The following LRRC8A variants were observed in gnomAD, a reference collection of about 807,000 sequenced individuals.
LRRC8A encodes volume-regulated anion channel subunit LRRC8A.
LRRC8A carries 24 observed loss-of-function variants against 52.5 expected under a neutral mutation model. The observed-to-expected ratio is 0.46, with a 90% CI of 0.33 to 0.64. The LOEUF (loss-of-function observed/expected upper bound fraction) is 0.64. Ranked by LOEUF, LRRC8A falls within the 30% of genes least tolerant of loss-of-function variation. The pLI is 0.02. For synonymous variants in LRRC8A, 492 were observed against 494.2 expected, an observed-to-expected ratio of 1.00 and a Z score of 0.06; for missense variants, 677 against 1,094.7, an observed-to-expected ratio of 0.62 and a Z score of 5.38.
At position 128,907,422 on chromosome 9, in the gene LRRC8A, T is replaced by C; in HGVS notation, c.258T>C (p.Ile86=). 6.2e-7 allele frequency: 1 copy of C among 1,613,366 alleles called. No individual in the cohort carries two copies. Among genetic ancestry groups the C allele is most frequent in the Non-Finnish European group, 8.5e-7 (1 of 1,180,002 alleles). Residue 86 remains isoleucine, a synonymous_variant, in exon 3 of 4, where the codon ATT becomes ATC. Coordinates refer to ENST00000372600, the MANE Select transcript of LRRC8A (RefSeq NM_019594.4). The surrounding 1 kb of genome is among the most constrained non-coding windows in gnomAD (Gnocchi z 9.3). ...AGCCCACCTACCCCAACTCCACCAT[T>C]CTGCCGACCCCTGACACGGGCCCCA... ...GPEPTYPNST[I]LPTPDTGPTG...
In LRRC8A at chr9:128,908,049, C is replaced by T. The variant is rs750597346; in HGVS notation, c.885C>T (p.Cys295=). 3 of 1,614,106 alleles carry T rather than the reference C, an allele frequency of 1.9e-6. No homozygotes were observed. The highest frequency in any genetic ancestry group is 2.5e-6 in the Non-Finnish European group (3 of 1,180,028). Residue 295 remains cysteine (C), a synonymous_variant, in exon 3 of 4, where the codon TGC becomes TGT. Transcript: ENST00000372600. ...YVHNIKFDVD[C]TVDIESLTGY... is the part of the protein sequence containing the mutation. The stretch of plus-strand genomic sequence containing the variant: ...ACAACATCAAGTTCGACGTGGACTG[C>T]ACCGTGGACATTGAGAGCCTGACGG...
intron 1 of LRRC8A, among the ~76,000 whole-genome samples, chr9:128,883,728 A>G (rs1588189773): frequency 6.6e-6 from 1 of 152,216 alleles, no homozygotes; most frequent in Non-Finnish European, 1.5e-5. Flanking sequence ...TAATCCCAGC[A>G]CGTTGGGAGG....
chr9:128,917,119 A>T lies in LRRC8A; in HGVS notation c.*748A>T, dbSNP rs911804836. 3.4e-5 allele frequency: 5 copies of T among 145,020 alleles called. No individual in the cohort carries two copies. Among genetic ancestry groups the T allele is most frequent in the East Asian group, 2.0e-4 (1 of 4,974 alleles). 9.0% of individuals were successfully genotyped at this position (145,020 alleles called of 1,614,324 possible). A position where few individuals can be genotyped will look rare whatever the true frequency, so the allele number is the denominator to read the frequency against. ...GGTATTAAAAAGAAAAAAAAAACTT[A>T]AAAAAAAAAAGACACTAACGGCCAG... is the stretch of plus-strand genomic sequence containing the variant. On this transcript the variant is annotated 3_prime_UTR_variant, in exon 4 of 4. Transcript: ENST00000372600.
In LRRC8A at chr9:128,916,078, C is replaced by A; in HGVS notation, c.2158-18C>A. 2 of 1,588,408 alleles carry A rather than the reference C, an allele frequency of 1.3e-6. No individual in the cohort carries two copies. The highest frequency in any genetic ancestry group is 8.6e-7 in the Non-Finnish European group (1 of 1,163,044). On this transcript the variant is annotated intron_variant, in intron 3 of 3. Transcript: ENST00000372600. This position sits in a 1 kb window ranked among gnomAD's most constrained non-coding sequence, Gnocchi z 6.1. ...GCCCACACCCACCTCACTCTCACCC[C>A]TGCTTTTTTCCCTCCAGATCGAGAC...
rs955704281 is a variant in LRRC8A at position 128,892,940 on chromosome 9, C to A, written c.-9+6819C>A. Among the ~76,000 whole-genome samples, 1 of 152,192 alleles carries A rather than the reference C, an allele frequency of 6.6e-6. No individual in the cohort carries two copies. On this transcript the variant is annotated intron_variant, in intron 2 of 3. Coordinates refer to ENST00000372600, the MANE Select transcript of LRRC8A (RefSeq NM_019594.4). The surrounding 1 kb of genome is among the most constrained non-coding windows in gnomAD (Gnocchi z 5.2). The stretch of plus-strand genomic sequence containing the variant: ...AAAAGGCTCTCTGTGCCCTGTTTAC[C>A]CGCAGCCCGACTGCCTGCCGCCCAG...
chr9:128,916,160 A>G lies in LRRC8A; in HGVS notation c.2222A>G (p.Asn741Ser). Residue 741 changes from asparagine (N) to serine (S), a missense_variant, in exon 4 of 4, where the codon AAC (asparagine) becomes AGC (serine). Asn to Ser is a conservative substitution (Grantham distance 46). Around this residue, in one of 4 missense-constraint regions of LRRC8A, gnomAD observed 169 missense variants for 217.6 expected, o/e 0.78. Coordinates refer to ENST00000372600, the MANE Select transcript of LRRC8A (RefSeq NM_019594.4). The surrounding 1 kb of genome is among the most constrained non-coding windows in gnomAD (Gnocchi z 6.1). Reference sequence around the variant, plus strand: ...CTGCGGGCCCTGCACCTGGGCAACAACGTGCTGCAGTCACTGCCCTCCAGG... The same window carrying G: ...CTGCGGGCCCTGCACCTGGGCAACAGCGTGCTGCAGTCACTGCCCTCCAGG... ...RKLRALHLGN[N>S]VLQSLPSRVG... The G allele has an allele frequency of 6.2e-7, 1 of 1,613,314 alleles. No individual in the cohort carries two copies. Among genetic ancestry groups the G allele is most frequent in the Non-Finnish European group, 8.5e-7 (1 of 1,179,866 alleles).
intron 2 of LRRC8A, among the ~76,000 whole-genome samples, chr9:128,891,385 A>C (rs1234861974): frequency 6.6e-6 from 1 of 152,082 alleles, no homozygotes; most frequent in African/African-American, 2.4e-5. Context: ...GCAACATAAC[A>C]ACCTATCTCT....
chr9:128,897,893 A>T (rs1054601523), intron 2 of LRRC8A, among the ~76,000 whole-genome samples: 1 of 151,764 alleles, frequency 6.6e-6, no homozygotes, highest in Non-Finnish European at 1.5e-5. Context: ...TAATAAAAAA[A>T]TAGAGGGCAG....
Position 128,907,782 on chromosome 9 carries a change from G to A in LRRC8A, c.618G>A (p.Glu206=). Residue 206 remains glutamate, a synonymous_variant, in exon 3 of 4, where the codon GAG becomes GAA. Coordinates refer to ENST00000372600, the MANE Select transcript of LRRC8A (RefSeq NM_019594.4). The surrounding 1 kb of genome is among the most constrained non-coding windows in gnomAD (Gnocchi z 9.3). The part of the protein sequence containing the change: ...KKSSTVSEDV[E]ATVPMLQRTK... ...CATCGACCGTCAGTGAGGACGTGGA[G>A]GCCACCGTGCCCATGCTGCAGCGGA... The A allele has an allele frequency of 6.2e-7, 1 of 1,614,044 alleles. No homozygotes were observed. The highest frequency in any genetic ancestry group is 1.3e-5 in the African/African-American group (1 of 75,046).
At chr9:128,888,986 G>A (rs1305679942) in intron 2 of LRRC8A, among the ~76,000 whole-genome samples, 1 of 152,174 alleles carries the variant, frequency 6.6e-6, no homozygotes, top group East Asian at 1.9e-4. Context: ...GATGCTGCAC[G>A]CATTTGCCCA....
In LRRC8A at chr9:128,908,589, G is replaced by A; in HGVS notation, c.1425G>A (p.Trp475Ter). ...IAQLTGLKEL[W>*]LYHTAAKIEA... ...AGCTCACGGGCCTCAAGGAGCTGTG[G>A]CTCTACCACACAGCGGCCAAGATTG... is the stretch of plus-strand genomic sequence containing the variant. Residue 475 changes from tryptophan (W) to a stop codon, truncating the protein, a stop_gained, in exon 3 of 4, where the codon TGG (tryptophan) becomes TGA (stop). Coordinates refer to ENST00000372600, the MANE Select transcript of LRRC8A (RefSeq NM_019594.4). LOFTEE classifies it high-confidence loss of function. The A allele has an allele frequency of 6.2e-7, 1 of 1,612,794 alleles. No homozygotes were observed. The highest frequency in any genetic ancestry group is 8.5e-7 in the Non-Finnish European group (1 of 1,179,982).
chr9:128,889,457 A>G (rs896362317), intron 2 of LRRC8A, among the ~76,000 whole-genome samples: 2 of 151,108 alleles, frequency 1.3e-5, no homozygotes, highest in African/African-American at 4.9e-5. Context: ...AGCTCCCCAC[A>G]GGACTGGGAC....
intron 3 of LRRC8A, among the ~76,000 whole-genome samples, chr9:128,914,707 G>C (rs1391086618): frequency 6.6e-6 from 1 of 152,248 alleles, no homozygotes. Context: ...AAGGCCCAGG[G>C]CTCCTGGCTC....
chr9:128,906,971 A>C (rs1361149480), intron 2 of LRRC8A, among the ~76,000 whole-genome samples, 186 bp from the exon 3 acceptor site: 2 of 152,232 alleles, frequency 1.3e-5, no homozygotes, highest in Non-Finnish European at 2.9e-5. Context: ...CCAAGTGGCC[A>C]CATGCTTTCT....
rs778279829 is a variant in LRRC8A, at chr9:128,907,563, G to C, written c.399G>C (p.Thr133=). The change falls in exon 3 of 4, where the codon ACG becomes ACC. Residue 133 remains threonine (T), a synonymous_variant. Coordinates refer to ENST00000372600, the MANE Select transcript of LRRC8A (RefSeq NM_019594.4). The surrounding 1 kb of genome is among the most constrained non-coding windows in gnomAD (Gnocchi z 9.3). The part of the protein sequence containing the change: ...KYFPYLVLLH[T]LIFLACSNFW... ...TCCCCTACCTGGTGCTTCTGCACACGCTCATCTTCCTGGCCTGCAGCAACT... is the reference window on the plus strand; with the variant it reads ...TCCCCTACCTGGTGCTTCTGCACACCCTCATCTTCCTGGCCTGCAGCAACT... 1 of 1,614,136 alleles carries C rather than the reference G, an allele frequency of 6.2e-7. No homozygotes were observed. Among genetic ancestry groups the C allele is most frequent in the Non-Finnish European group, 8.5e-7 (1 of 1,180,034 alleles).
intron 2 of LRRC8A, among the ~76,000 whole-genome samples, chr9:128,906,707 C>T (rs1840266701): frequency 1.3e-5 from 2 of 152,210 alleles, no homozygotes; most frequent in Non-Finnish European, 2.9e-5. Flanking sequence ...TTGCGGGAAT[C>T]CCTCCAGCCC....
rs947003449 is a variant in LRRC8A at position 128,916,884 on chromosome 9, T to C, written c.*513T>C. ...AACACCCACCTGGACTTCAGCAGAG[T>C]GGTCCGGGGCGAACCAGCCATGGGA... On this transcript the variant is annotated 3_prime_UTR_variant, in exon 4 of 4. Transcript: ENST00000372600. This position sits in a 1 kb window ranked among gnomAD's most constrained non-coding sequence, Gnocchi z 6.1. 6.3e-6 allele frequency: 1 copy of C among 159,722 alleles called. No homozygotes were observed. The highest frequency in any genetic ancestry group is 5.9e-5 in the Admixed American group (1 of 16,900). 9.9% of individuals were successfully genotyped at this position (159,722 alleles called of 1,614,324 possible).
chr9:128,909,356 G>A (rs760507489), intron 3 of LRRC8A, 35 bp downstream of exon 3: 9 of 1,596,692 alleles, frequency 5.6e-6, no homozygotes, highest in Admixed American at 1.7e-5. Flanking sequence ...CGTGTGGGCT[G>A]GCGGGTGGCC....
intron 2 of LRRC8A, among the ~76,000 whole-genome samples, chr9:128,905,826 G>A (rs925900071): frequency 2.0e-5 from 3 of 152,054 alleles, no homozygotes; most frequent in Non-Finnish European, 4.4e-5. Context: ...CCTGGCGACA[G>A]AGCAAGACTC....
Sources: gnomAD v4.1 joint callset for allele counts (sites outside exome capture counted in the v4.1 genomes callset) on GRCh38, gnomAD v4.1.1 for gene constraint, gnomAD v4.1.1 regional missense constraint, Gnocchi (gnomAD v3.1) non-coding constraint, MANE v1.5 for transcripts, NCBI Gene and HGNC (gene_info 2026-07-23, HGNC 2026-07-21) for gene names.